Variants in SLIT1 observed in about 807,000 individuals in gnomAD.
The protein encoded by SLIT1 is slit homolog 1 protein.
A neutral mutation model predicts 186.1 loss-of-function variants in SLIT1; 66 were observed. The observed-to-expected ratio is 0.35, with a 90% confidence interval of 0.29 to 0.44. SLIT1 has a LOEUF of 0.44. Ranked by LOEUF, SLIT1 falls within the 20% of genes least tolerant of loss-of-function variation. The probability of loss-of-function intolerance (pLI) is 1.00; values close to 1 mark genes in which losing one functional copy is unlikely to be tolerated. For synonymous variants in SLIT1, 761 were observed against 833.8 expected, an observed-to-expected ratio of 0.91 and a Z score of 1.50; for missense variants, 1,638 against 2,037.4, an observed-to-expected ratio of 0.80 and a Z score of 3.77.
chr10:97,052,050 A>C (rs951594471), intron 13 of SLIT1, among the ~76,000 whole-genome samples: 5 of 152,014 alleles, frequency 3.3e-5, no homozygotes, highest in Non-Finnish European at 7.4e-5. Context: ...TATGCTAAAG[A>C]AATAAGTCAG....
intron 25 of SLIT1, among the ~76,000 whole-genome samples, chr10:97,026,086 A>G (rs936029501): frequency 2.6e-5 from 4 of 152,248 alleles, no homozygotes; most frequent in African/African-American, 9.6e-5. Flanking sequence ...ATTTGATTTT[A>G]GTGTATTCCC....
chr10:97,059,382 C>T, intron 11 of SLIT1, 78 bp downstream of exon 11: 2 of 1,192,248 alleles, frequency 1.7e-6, no homozygotes, highest in South Asian at 1.2e-5. Context: ...CCTCCTGCAT[C>T]CACCAGGACC....
At chr10:97,032,624 C>T (rs571309665) in intron 23 of SLIT1, among the ~76,000 whole-genome samples, 1 of 152,142 alleles carries the variant, frequency 6.6e-6, no homozygotes, top group South Asian at 2.1e-4. Flanking sequence ...CTTTCAGTTT[C>T]CAGAGCCCAC....
At chr10:97,136,055 T>C (rs1320949911) in intron 4 of SLIT1, among the ~76,000 whole-genome samples, 1 of 152,144 alleles carries the variant, frequency 6.6e-6, no homozygotes, top group African/African-American at 2.4e-5. Context: ...AGCATCTGCA[T>C]TTGGCATTGG....
intron 30 of SLIT1, among the ~76,000 whole-genome samples, chr10:97,012,833 T>C (rs1248355822): frequency 6.6e-6 from 1 of 152,108 alleles, no homozygotes; most frequent in Non-Finnish European, 1.5e-5. Flanking sequence ...TAGGCTTGGG[T>C]CCCTCAGCCA....
intron 27 of SLIT1, 130 bp downstream of exon 27, chr10:97,018,850 TTCA>T: frequency 1.5e-6 from 1 of 656,696 alleles, no homozygotes; most frequent in South Asian, 1.9e-5. Context: ...CATTCATTCA[TTCA>T]TATGTTAAGT....
At chr10:97,153,899 G>A (rs1253668509) in intron 4 of SLIT1, 1 of 152,012 alleles carries the variant, frequency 6.6e-6, no homozygotes, top group Non-Finnish European at 1.5e-5. Context: ...CTCAGTGCAG[G>A]TCCCTGGGAG....
chr10:97,118,517 C>T (rs1407085383), intron 4 of SLIT1, among the ~76,000 whole-genome samples: 1 of 152,196 alleles, frequency 6.6e-6, no homozygotes, highest in African/African-American at 2.4e-5. Context: ...CCCATCAAAG[C>T]GCTCCTCTAT....
chr10:97,054,091 C>T (rs1848815063), intron 13 of SLIT1, among the ~76,000 whole-genome samples: 1 of 151,984 alleles, frequency 6.6e-6, no homozygotes, highest in African/African-American at 2.4e-5. Context: ...CCAACAACCG[C>T]TCGGCTTCTG....
At position 96,999,759 on chromosome 10, in the gene SLIT1, G is replaced by A. The variant is rs1279611552; in HGVS notation, c.*1353C>T. The A allele has an allele frequency of 6.6e-6, 1 of 152,580 alleles. No homozygotes were observed. Among genetic ancestry groups the A allele is most frequent in the Non-Finnish European group, 1.5e-5 (1 of 68,362 alleles). The allele number at this position is 152,580 out of a possible 1,614,324, so 9.5% of individuals were successfully genotyped here. Reference sequence around the variant, plus strand: ...GCTCCTTCGTTGCCAGCAACTCCCTGGCCTGGGCCGCTGTCTGTGGCTGGA... The same window carrying A: ...GCTCCTTCGTTGCCAGCAACTCCCTAGCCTGGGCCGCTGTCTGTGGCTGGA... On this transcript the variant is annotated 3_prime_UTR_variant, in exon 37 of 37. Transcript: ENST00000266058.
rs1038316812 is a variant in SLIT1 at position 96,998,540 on chromosome 10, T to G, written c.*2572A>C. ...GGGGGACAAGATGTGGAGAGAGGAC[T>G]TCTCAGAGGGGTGATTTTGCAGTAG... On this transcript the variant is annotated 3_prime_UTR_variant, in exon 37 of 37. Transcript: ENST00000266058. 6.6e-6 allele frequency: 1 copy of G among 152,240 alleles called. No individual in the cohort carries two copies. The highest frequency in any genetic ancestry group is 1.9e-4 in the East Asian group (1 of 5,194). The allele number at this position is 152,240 out of a possible 1,614,324, so 9.4% of individuals were successfully genotyped here.
chr10:97,164,112 A>T (rs559700366), intron 2 of SLIT1, among the ~76,000 whole-genome samples: 1 of 152,282 alleles, frequency 6.6e-6, no homozygotes, highest in South Asian at 2.1e-4. Context: ...GTGCCCTGAA[A>T]CCCAGAGCAT....
At chr10:97,031,809 C>G (rs1404110711) in intron 23 of SLIT1, 132 bp from the exon 24 acceptor site, 4 of 671,992 alleles carry the variant, frequency 6.0e-6, no homozygotes, top group Non-Finnish European at 1.0e-5. Flanking sequence ...GGCAGAGCAG[C>G]CGGCAAGTGC....
intron 1 of SLIT1, among the ~76,000 whole-genome samples, chr10:97,171,071 A>T (rs114559176): frequency 0.023 from 3,451 of 152,254 alleles, 135 homozygotes; most frequent in African/African-American, 0.078. Context: ...AAAAAAAGAA[A>T]AAAGAAACCA....
chr10:97,016,558 G>T (rs1848456648), intron 28 of SLIT1, among the ~76,000 whole-genome samples: 1 of 152,070 alleles, frequency 6.6e-6, no homozygotes, highest in Admixed American at 6.5e-5. Context: ...ATTACACCTG[G>T]TTAATTTTTA....
chr10:97,064,424 C>T (rs1018984935), intron 6 of SLIT1, among the ~76,000 whole-genome samples, 185 bp from the exon 7 acceptor site: 32 of 152,260 alleles, frequency 2.1e-4, no homozygotes, highest in Middle Eastern at 3.4e-3. Flanking sequence ...TGAGCTGGGA[C>T]GGTGACCGTA....
chr10:97,179,106 A>T (rs1322983306), intron 1 of SLIT1, among the ~76,000 whole-genome samples: 7 of 152,106 alleles, frequency 4.6e-5, no homozygotes, highest in African/African-American at 1.4e-4. Flanking sequence ...CTACCTCCAC[A>T]ACACAACAAC....
chr10:97,064,153 C>T lies in SLIT1; in HGVS notation c.629+15G>A. 9 of 1,607,540 alleles carry T rather than the reference C, an allele frequency of 5.6e-6. No homozygotes were observed. The highest frequency in any genetic ancestry group is 1.1e-5 in the South Asian group (1 of 89,712). On this transcript the variant is annotated intron_variant, in intron 7 of 36. Transcript: ENST00000266058. ...GGCTTGGCTGCCCCGCTCCCAGCTG[C>T]CCCGGCTGACTCACAAGGTCCGTAG...
intron 3 of SLIT1, among the ~76,000 whole-genome samples, chr10:97,158,520 G>C (rs948961573): frequency 8.6e-5 from 13 of 152,022 alleles, no homozygotes; most frequent in Non-Finnish European, 1.6e-4. Context: ...AAATTAGCCA[G>C]GCATGGTGGC....
Sources: allele counts gnomAD v4.1 joint callset (sites outside exome capture counted in the v4.1 genomes callset), GRCh38; gene constraint gnomAD v4.1.1; transcripts MANE v1.5; gene names NCBI Gene and HGNC (gene_info 2026-07-23, HGNC 2026-07-21).